Variants in IL15 observed in about 807,000 individuals in gnomAD.
IL15 encodes interleukin-15.
Under a neutral mutation model 19.6 loss-of-function variants are expected in IL15, and 11 were observed. That is an observed-to-expected ratio of 0.56 (90% CI 0.35 to 0.93). The LOEUF (loss-of-function observed/expected upper bound fraction) is 0.93. Among genes scored for constraint, IL15 ranks in the 40% least tolerant of loss-of-function variants. The pLI, the probability that IL15 is intolerant of heterozygous loss-of-function variation, is 0.01. For missense variants in IL15, 197 were observed against 186.5 expected (o/e 1.06, Z -0.33); for synonymous variants, 58 against 59.6 (o/e 0.97, Z 0.12).
chr4:141,720,745 C>G, intron 4 of IL15, 179 bp downstream of exon 4: 1 of 609,802 alleles, frequency 1.6e-6, no homozygotes. Context: ...CCTAACTGAG[C>G]ATTTTTCTAC....
intron 2 of IL15, among the ~76,000 whole-genome samples, chr4:141,713,564 G>A (rs1390960564): frequency 6.6e-6 from 1 of 152,106 alleles, no homozygotes; most frequent in African/African-American, 2.4e-5. Flanking sequence ...TTTAAACAAC[G>A]GTGACAGTTT....
At chr4:141,706,706 ATT>A (rs74269670) in intron 2 of IL15, among the ~76,000 whole-genome samples, 10 of 144,906 alleles carry the variant, frequency 6.9e-5, no homozygotes, top group East Asian at 2.0e-4. Flanking sequence ...TTCTTGGCTG[ATT>A]TTTTTTTTTT....
At position 141,712,592 on chromosome 4, in the gene IL15, A is replaced by G. The variant is rs914962208; in HGVS notation, c.-99-6774A>G. Among the ~76,000 whole-genome samples, 16 of 148,420 alleles carry G rather than the reference A, an allele frequency of 1.1e-4. No individual in the cohort carries two copies. The East Asian group carries it at 3.1e-3, about 29-fold the overall frequency. On this transcript the variant is annotated intron_variant, in intron 2 of 7. Transcript: ENST00000320650. Reference sequence around the variant, plus strand: ...AGGTGTTTCTATATTTATTTTATATATTTCTATAAATAAATATATTGTTTA... The same window carrying G: ...AGGTGTTTCTATATTTATTTTATATGTTTCTATAAATAAATATATTGTTTA...
intron 2 of IL15, among the ~76,000 whole-genome samples, chr4:141,691,473 A>T (rs1728908786): frequency 6.6e-6 from 1 of 152,210 alleles, no homozygotes; most frequent in East Asian, 1.9e-4. Flanking sequence ...CTGAGACAAG[A>T]TAAGTCCCTT....
chr4:141,667,769 G>A (rs1156942103), intron 2 of IL15, among the ~76,000 whole-genome samples: 2 of 152,082 alleles, frequency 1.3e-5, no homozygotes, highest in African/African-American at 4.8e-5. Flanking sequence ...AATGCGGGGT[G>A]TATTTATTTT....
chr4:141,661,664 A>C (rs1490473346), intron 2 of IL15, among the ~76,000 whole-genome samples: 1 of 152,174 alleles, frequency 6.6e-6, no homozygotes, highest in Non-Finnish European at 1.5e-5. Context: ...AAAGTTGGCA[A>C]CACATTCTTC....
intron 2 of IL15, among the ~76,000 whole-genome samples, chr4:141,685,697 C>T (rs1176464144): frequency 6.6e-6 from 1 of 152,146 alleles, no homozygotes; most frequent in Non-Finnish European, 1.5e-5. Flanking sequence ...TTTATAGCTA[C>T]AAATATATCT....
intron 2 of IL15, among the ~76,000 whole-genome samples, chr4:141,678,518 C>T (rs1361601315): frequency 6.6e-6 from 1 of 150,862 alleles, no homozygotes; most frequent in Non-Finnish European, 1.5e-5. Flanking sequence ...TATCATTTAA[C>T]TAGGGACCCC....
At chr4:141,689,849 G>A (rs1026933832) in intron 2 of IL15, among the ~76,000 whole-genome samples, 11 of 152,078 alleles carry the variant, frequency 7.2e-5, no homozygotes, top group Admixed American at 2.6e-4. Flanking sequence ...GTCCTGCTCC[G>A]TGCGCCTACA....
chr4:141,650,240 C>G (rs1291705643), intron 1 of IL15, among the ~76,000 whole-genome samples: 1 of 151,972 alleles, frequency 6.6e-6, no homozygotes, highest in Non-Finnish European at 1.5e-5. Flanking sequence ...TGTTCTGACC[C>G]AGAATGTAGC....
At chr4:141,663,793 ACCT>A (rs1387919844) in intron 2 of IL15, among the ~76,000 whole-genome samples, 1 of 152,174 alleles carries the variant, frequency 6.6e-6, no homozygotes, top group Non-Finnish European at 1.5e-5. Flanking sequence ...GGCTCCTATG[ACCT>A]GCCTTGAGGA....
chr4:141,688,032 T>C (rs1026446666), intron 2 of IL15, among the ~76,000 whole-genome samples: 2 of 152,192 alleles, frequency 1.3e-5, no homozygotes, highest in Admixed American at 1.3e-4. Flanking sequence ...GGACAAGTTC[T>C]TTTTGTGCAA....
At chr4:141,688,999 T>C (rs569718878) in intron 2 of IL15, 1 of 153,424 alleles carries the variant, frequency 6.5e-6, no homozygotes, top group Admixed American at 6.5e-5. Flanking sequence ...GGGTTCGTGG[T>C]CTCGCTGGCT....
In IL15 at chr4:141,704,040, A is replaced by T. The variant is rs180729716; in HGVS notation, c.-99-15326A>T. ...TTTGACTTCCTCCTTTCCAATTTGG[A>T]TGCCTTTTATTTATCTGGCCTAATT... is the stretch of plus-strand genomic sequence containing the variant. On this transcript the variant is annotated intron_variant, in intron 2 of 7. Coordinates refer to ENST00000320650, the MANE Select transcript of IL15 (RefSeq NM_000585.5). Among the ~76,000 whole-genome samples, 316 of 152,222 alleles carry T rather than the reference A, an allele frequency of 2.1e-3. 2 individuals are homozygous for T. The highest frequency in any genetic ancestry group is 7.4e-3 in the African/African-American group (309 of 41,532).
chr4:141,719,391 T>C lies in IL15; in HGVS notation c.-74T>C. The C allele has an allele frequency of 1.4e-6, 1 of 737,894 alleles. No homozygotes were observed. The highest frequency in any genetic ancestry group is 1.5e-5 in the South Asian group (1 of 64,862). The allele number at this position is 737,894 out of a possible 1,614,324, so 45.7% of individuals were successfully genotyped here. A position where few individuals can be genotyped will look rare whatever the true frequency, so the allele number is the denominator to read the frequency against. On this transcript the variant is annotated 5_prime_UTR_variant, in exon 3 of 8. An upstream start codon of the reference 5' UTR is lost. Transcript: ENST00000320650. ...ATTGTATTGTAGGAGGCATTGTGGA[T>C]GGATGGCTGCTGGAAACCCCTTGCC...
chr4:141,692,057 A>G (rs1245348160), intron 2 of IL15, among the ~76,000 whole-genome samples: 3 of 152,194 alleles, frequency 2.0e-5, no homozygotes, highest in Admixed American at 1.3e-4. Context: ...CCAAAGCTCA[A>G]TTCTTGTCTT....
intron 2 of IL15, among the ~76,000 whole-genome samples, chr4:141,693,016 CAAAAAAAAAAAAAAAAA>C (rs70949131): frequency 4.3e-5 from 1 of 23,232 alleles, no homozygotes; most frequent in African/African-American, 1.6e-4. Flanking sequence ...GACTCCGTCT[CAAAAAAAAAAAAAAAAA>C]AAAAAAAAAG....
chr4:141,685,356 T>C (rs1190056065), intron 2 of IL15, among the ~76,000 whole-genome samples: 1 of 152,180 alleles, frequency 6.6e-6, no homozygotes, highest in Non-Finnish European at 1.5e-5. Context: ...ATGATCTCAG[T>C]ATGTATGAAA....
chr4:141,695,817 T>A (rs999092932), intron 2 of IL15, among the ~76,000 whole-genome samples: 2 of 152,094 alleles, frequency 1.3e-5, no homozygotes, highest in African/African-American at 4.8e-5. Flanking sequence ...GTTGTTTAAA[T>A]TCACTATATA....
Sources: allele counts gnomAD v4.1 joint callset (sites outside exome capture counted in the v4.1 genomes callset), GRCh38; gene constraint gnomAD v4.1.1; transcripts MANE v1.5; gene names NCBI Gene and HGNC (gene_info 2026-07-23, HGNC 2026-07-21).